LTF: variants seen among roughly 807,000 people sequenced by gnomAD.
LTF encodes the protein epididymis luminal protein 110.
A neutral mutation model predicts 87.2 loss-of-function variants in LTF; 91 were observed. That is an observed-to-expected ratio of 1.04 (90% confidence interval 0.88 to 1.24). The LOEUF (loss-of-function observed/expected upper bound fraction) is 1.24, where lower values mean the gene tolerates loss of function less well. Ranked by LOEUF, LTF falls within the 50% of genes most tolerant of loss-of-function variation. The pLI, the probability that LTF is intolerant of heterozygous loss-of-function variation, is 0.00. For missense variants in LTF, 901 were observed against 904.3 expected, an observed-to-expected ratio of 1.00 and a Z score of 0.05; for synonymous variants, 378 against 356.1, an observed-to-expected ratio of 1.06 and a Z score of -0.69.
chr3:46,483,049 A>C (rs1427681391), intron 1 of LTF, among the ~76,000 whole-genome samples: 1 of 152,226 alleles, frequency 6.6e-6, no homozygotes, highest in African/African-American at 2.4e-5. Flanking sequence ...CAAGCTGCTG[A>C]CATGGATGGG....
chr3:46,445,202 C>T, intron 12 of LTF, 79 bp downstream of exon 12: 3 of 1,400,202 alleles, frequency 2.1e-6, no homozygotes, highest in Non-Finnish European at 2.9e-6. Flanking sequence ...ATCCCCTCCC[C>T]TCCCTTCCCT....
chr3:46,462,086 C>G (rs1202023643), intron 1 of LTF, among the ~76,000 whole-genome samples: 2 of 152,156 alleles, frequency 1.3e-5, no homozygotes, highest in Non-Finnish European at 1.5e-5. Flanking sequence ...TATAATCTTG[C>G]CTTGGAAGCC....
At chr3:46,447,800 A>G (rs1000731619) in intron 9 of LTF, among the ~76,000 whole-genome samples, 1 of 152,224 alleles carries the variant, frequency 6.6e-6, no homozygotes, top group Non-Finnish European at 1.5e-5. Flanking sequence ...TGTCCAACAC[A>G]TAAGCTGAAG....
At chr3:46,464,532 G>A (rs1374590062) in intron 1 of LTF, among the ~76,000 whole-genome samples, 1 of 152,236 alleles carries the variant, frequency 6.6e-6, no homozygotes, top group East Asian at 1.9e-4. Context: ...AATACAATGG[G>A]GACCAAATCC....
chr3:46,436,259 G>A (rs748151738), intron 16 of LTF, 30 bp from the exon 17 acceptor site: 126 of 1,601,766 alleles, frequency 7.9e-5, no homozygotes, highest in Non-Finnish European at 1.1e-4. Flanking sequence ...AAGAGATTCA[G>A]AAACTGATTT....
chr3:46,459,522 A>C, intron 2 of LTF, 134 bp downstream of exon 2: 2 of 818,208 alleles, frequency 2.4e-6, no homozygotes, highest in Non-Finnish European at 3.4e-6. Flanking sequence ...GTTCCCTGTG[A>C]GAGAGGACGG....
chr3:46,437,851 T>C lies in LTF; in HGVS notation c.2098+89A>G, dbSNP rs1054062862. On this transcript the variant is annotated intron_variant, in intron 16 of 16. Coordinates refer to ENST00000231751, the MANE Select transcript of LTF (RefSeq NM_002343.6). The stretch of plus-strand genomic sequence containing the variant: ...TATCTTTCCTTAACATTTTTACACC[T>C]GTGTTCGTTCCTAGAATGCTGTTTG... The C allele has an allele frequency of 7.9e-5, 74 of 938,918 alleles. No homozygotes were observed. In the African/African-American group the frequency reaches 1.0e-3, roughly 13 times the overall value. The allele number at this position is 938,918 out of a possible 1,614,324, so 58.2% of individuals were successfully genotyped here.
chr3:46,468,372 T>G, upstream of LTF: 5 of 455,508 alleles, frequency 1.1e-5, no homozygotes, highest in South Asian at 7.8e-5. Context: ...AACATGAGTT[T>G]AAGGAGCACA....
intron 14 of LTF, among the ~76,000 whole-genome samples, chr3:46,440,775 A>G (rs1702497619): frequency 1.3e-5 from 2 of 152,206 alleles, no homozygotes; most frequent in Admixed American, 1.3e-4. Flanking sequence ...ATAGCAAGTC[A>G]CCTGCTGAGA....
rs538301659 is a variant in LTF, at chr3:46,445,175, C to A, written c.1513+106G>T. On this transcript the variant is annotated intron_variant, in intron 12 of 16. Transcript: ENST00000231751. The stretch of plus-strand genomic sequence containing the variant: ...CCTTATGCTGGAAGAGGCCTGCAGG[C>A]CACTATCAGCCTGCAAATCCCCTCC... The A allele has an allele frequency of 2.5e-4, 296 of 1,187,986 alleles. 1 individual carries two copies. The South Asian group carries it at 3.6e-3, about 14-fold the overall frequency. 73.6% of individuals were successfully genotyped at this position (1,187,986 alleles called of 1,614,324 possible).
At chr3:46,463,580 T>C (rs772353671) in intron 1 of LTF, 4 of 985,512 alleles carry the variant, frequency 4.1e-6, no homozygotes, top group Non-Finnish European at 4.8e-6. Flanking sequence ...GACTGCAGGA[T>C]TCAAACTTCA....
chr3:46,437,647 T>C (rs1194882219), intron 16 of LTF, among the ~76,000 whole-genome samples: 1 of 152,168 alleles, frequency 6.6e-6, no homozygotes, highest in East Asian at 1.9e-4. Flanking sequence ...TCAATGCATA[T>C]GTATATATGC....
At chr3:46,478,427 AG>A (rs1282367277) in intron 1 of LTF, among the ~76,000 whole-genome samples, 2 of 152,170 alleles carry the variant, frequency 1.3e-5, no homozygotes, top group African/African-American at 4.8e-5. Context: ...TTGGTGACAA[AG>A]GGCAGGTGAC....
intron 3 of LTF, 112 bp downstream of exon 3, chr3:46,456,178 A>T (rs868855575): frequency 3.0e-6 from 3 of 1,007,696 alleles, no homozygotes. Flanking sequence ...CATTCCCTAC[A>T]TGTGTGATGT....
At chr3:46,442,911 T>C (rs557906627) in intron 13 of LTF, among the ~76,000 whole-genome samples, 86 of 152,210 alleles carry the variant, frequency 5.7e-4, no homozygotes, top group Non-Finnish European at 1.0e-3. Flanking sequence ...TACAAGTCAC[T>C]AAGTGGTTAT....
upstream of LTF, among the ~76,000 whole-genome samples, chr3:46,466,877 C>T (rs1010092873): frequency 2.6e-5 from 4 of 152,174 alleles, no homozygotes; most frequent in Admixed American, 6.5e-5. Context: ...CATCATAACC[C>T]GTGTCTCTTT....
chr3:46,460,092 T>C (rs899372116), intron 1 of LTF, among the ~76,000 whole-genome samples: 3 of 152,240 alleles, frequency 2.0e-5, no homozygotes, highest in African/African-American at 7.2e-5. Context: ...ACATGTTTCC[T>C]ACCACTTAAA....
At chr3:46,456,259 C>G in intron 3 of LTF, 31 bp downstream of exon 3, 1 of 1,564,426 alleles carries the variant, frequency 6.4e-7, no homozygotes, top group Non-Finnish European at 8.8e-7. Flanking sequence ...CTGAGGCCAC[C>G]GTGGCCTCTG....
chr3:46,465,035 G>A, upstream of LTF: 2 of 697,428 alleles, frequency 2.9e-6, no homozygotes, highest in East Asian at 5.5e-5. Flanking sequence ...GCTCCGAAAA[G>A]CCCTGAGGCA....
Sources: allele counts gnomAD v4.1 joint callset (sites outside exome capture counted in the v4.1 genomes callset), GRCh38; gene constraint gnomAD v4.1.1; transcripts MANE v1.5; gene names NCBI Gene and HGNC (gene_info 2026-07-23, HGNC 2026-07-21).